ADARB2: variants seen among roughly 807,000 people sequenced by gnomAD.
ADARB2 encodes the protein adenosine deaminase RNA specific B2 (inactive), also known as inactive double-stranded RNA-specific editase B2.
In ADARB2, 25 loss-of-function variants were observed where a neutral mutation model predicts 62.2. The ratio of observed to expected loss-of-function variants is 0.40; its 90% CI spans 0.29 to 0.56. ADARB2 has a LOEUF of 0.56. Ranked by LOEUF, ADARB2 falls within the 20% of genes least tolerant of loss-of-function variation. ADARB2 has a pLI of 0.43. For synonymous variants in ADARB2, 572 were observed against 500.8 expected (o/e 1.14, Z -1.90); for missense variants, 1,071 against 1,077.4 (o/e 0.99, Z 0.08).
chr10:1,522,730 G>T (rs960337928), intron 1 of ADARB2, among the ~76,000 whole-genome samples: 2 of 152,004 alleles, frequency 1.3e-5, no homozygotes, highest in African/African-American at 2.4e-5. Context: ...TATTGAACTC[G>T]TGGATCTTAG....
At position 1,183,125 on chromosome 10, in the gene ADARB2, G is replaced by A. The variant is rs907659796; in HGVS notation, c.*68C>T. On this transcript the variant is annotated 3_prime_UTR_variant, in exon 10 of 10. Transcript: ENST00000381312. ...TGCAGGGAACCGGCCGACCCGCCAC[G>A]TCGCCCCCCAGACACGGTCCCATCC... The A allele has an allele frequency of 4.2e-5, 65 of 1,545,946 alleles. No individual in the cohort carries two copies. Among genetic ancestry groups the A allele is most frequent in the African/African-American group, 1.4e-4 (10 of 72,796 alleles).
At chr10:1,487,451 G>A (rs1831558536) in intron 1 of ADARB2, among the ~76,000 whole-genome samples, 1 of 152,202 alleles carries the variant, frequency 6.6e-6, no homozygotes, top group African/African-American at 2.4e-5. Context: ...AAGGAGAGGA[G>A]GTGCCTGCTG....
intron 1 of ADARB2, among the ~76,000 whole-genome samples, chr10:1,651,970 A>G (rs1834117241): frequency 6.6e-6 from 1 of 152,198 alleles, no homozygotes; most frequent in Non-Finnish European, 1.5e-5. Flanking sequence ...AAACGACACT[A>G]TAAATAAAAT....
chr10:1,339,970 C>T (rs2131837976), intron 3 of ADARB2, among the ~76,000 whole-genome samples: 1 of 152,170 alleles, frequency 6.6e-6, no homozygotes, highest in South Asian at 2.1e-4. Flanking sequence ...TGGGGGTGGG[C>T]AGTGGAGAGG....
intron 3 of ADARB2, among the ~76,000 whole-genome samples, chr10:1,362,304 A>C (rs1367142762): frequency 1.3e-5 from 2 of 152,226 alleles, no homozygotes; most frequent in Non-Finnish European, 2.9e-5. Flanking sequence ...CACCCCGTGG[A>C]GTGTGCTTTC....
At chr10:1,608,972 G>A (rs922190445) in intron 1 of ADARB2, among the ~76,000 whole-genome samples, 2 of 151,950 alleles carry the variant, frequency 1.3e-5, no homozygotes, top group African/African-American at 2.4e-5. Context: ...ACATTAAACC[G>A]TGGCATCCTC....
chr10:1,459,842 G>C (rs146997765), intron 1 of ADARB2, among the ~76,000 whole-genome samples: 2 of 152,230 alleles, frequency 1.3e-5, no homozygotes, highest in South Asian at 4.1e-4. Flanking sequence ...GGAGGCGGGA[G>C]GAGGGAGAGG....
intron 1 of ADARB2, among the ~76,000 whole-genome samples, chr10:1,394,351 C>T (rs567664103): frequency 9.8e-5 from 15 of 152,298 alleles, no homozygotes; most frequent in African/African-American, 2.9e-4. Context: ...TCAAGGCCCG[C>T]GGGTCACCTC....
At chr10:1,248,766 C>T (rs1259040064) in intron 4 of ADARB2, among the ~76,000 whole-genome samples, 1 of 152,190 alleles carries the variant, frequency 6.6e-6, no homozygotes, top group Non-Finnish European at 1.5e-5. Context: ...CTCTGTAAGA[C>T]AACATGAGAA....
Position 1,183,070 on chromosome 10 carries a change from C to A in ADARB2, c.*123G>T. 5.3e-6 allele frequency: 6 copies of A among 1,129,414 alleles called. No homozygotes were observed. The South Asian group carries it at 9.3e-5, about 18-fold the overall frequency. 70.0% of individuals were successfully genotyped at this position (1,129,414 alleles called of 1,614,324 possible). ...TGCTCGTCCAAACATTGCACACTCG[C>A]GTGTTTCTGGGACACCAAAGTAAAA... On this transcript the variant is annotated 3_prime_UTR_variant, in exon 10 of 10. Transcript: ENST00000381312.
At chr10:1,435,100 C>G (rs1172533577) in intron 1 of ADARB2, among the ~76,000 whole-genome samples, 1 of 152,198 alleles carries the variant, frequency 6.6e-6, no homozygotes, top group Non-Finnish European at 1.5e-5. Context: ...CCGTGGAGCA[C>G]GAGGGAGGGC....
chr10:1,403,678 C>T (rs1264487044), intron 1 of ADARB2, among the ~76,000 whole-genome samples: 1 of 152,148 alleles, frequency 6.6e-6, no homozygotes, highest in Non-Finnish European at 1.5e-5. Flanking sequence ...TGCAGACCCC[C>T]TAGCTGTCAT....
chr10:1,427,024 AG>A (rs199960358), intron 1 of ADARB2, among the ~76,000 whole-genome samples: 625 of 152,382 alleles, frequency 4.1e-3, no homozygotes, highest in South Asian at 9.9e-3. Flanking sequence ...GCTGGGCTCC[AG>A]GGGCCTGATT....
chr10:1,269,791 A>G (rs1303120968), intron 4 of ADARB2, among the ~76,000 whole-genome samples: 1 of 152,206 alleles, frequency 6.6e-6, no homozygotes, highest in Admixed American at 6.5e-5. Flanking sequence ...TGATGGCTGC[A>G]TGCTGGAGGA....
intron 3 of ADARB2, among the ~76,000 whole-genome samples, chr10:1,328,331 G>T (rs1055392385): frequency 1.3e-5 from 2 of 152,172 alleles, no homozygotes; most frequent in Non-Finnish European, 2.9e-5. Flanking sequence ...AGGGTGGAAG[G>T]GATAGGACTG....
intron 1 of ADARB2, among the ~76,000 whole-genome samples, chr10:1,449,074 C>A (rs141709678): frequency 7.9e-5 from 12 of 152,288 alleles, no homozygotes; most frequent in Non-Finnish European, 1.5e-4. Context: ...TGAATGGTTG[C>A]GGTCACTGGT....
At chr10:1,433,528 C>T (rs1036508169) in intron 1 of ADARB2, among the ~76,000 whole-genome samples, 16 of 152,144 alleles carry the variant, frequency 1.1e-4, no homozygotes, top group African/African-American at 3.9e-4. Flanking sequence ...CAGATGCGGA[C>T]GTTCAGGTGG....
chr10:1,352,846 T>C (rs1046918810), intron 3 of ADARB2, among the ~76,000 whole-genome samples: 1 of 152,172 alleles, frequency 6.6e-6, no homozygotes, highest in Non-Finnish European at 1.5e-5. Flanking sequence ...ACTGTATCTC[T>C]CTGATCCACC....
At chr10:1,436,213 C>T (rs1468818731) in intron 1 of ADARB2, among the ~76,000 whole-genome samples, 1 of 152,190 alleles carries the variant, frequency 6.6e-6, no homozygotes, top group African/African-American at 2.4e-5. Context: ...AGCAGCTCTT[C>T]AGAAGCCACT....
Sources: gnomAD v4.1 joint callset for allele counts (sites outside exome capture counted in the v4.1 genomes callset) on GRCh38, gnomAD v4.1.1 for gene constraint, MANE v1.5 for transcripts, NCBI Gene and HGNC (gene_info 2026-07-23, HGNC 2026-07-21) for gene names.